Variants in PRKCH observed in about 807,000 individuals in gnomAD.
PRKCH encodes protein kinase C eta.
In PRKCH, 28 loss-of-function variants were observed where a neutral mutation model predicts 82.5. That is an observed-to-expected ratio of 0.34 (90% CI 0.25 to 0.47). PRKCH has a LOEUF of 0.47. PRKCH is among the 20% of genes least tolerant of loss of function. The pLI, the probability that PRKCH is intolerant of heterozygous loss-of-function variation, is 1.00. For synonymous variants in PRKCH, 322 were observed against 327.4 expected (o/e 0.98, Z 0.18); for missense variants, 705 against 881.8 (o/e 0.80, Z 2.54).
Position 61,449,178 on chromosome 14 carries a change from G to A in PRKCH, c.628G>A (p.Val210Ile), listed in dbSNP as rs368647767. 3.5e-5 allele frequency: 56 copies of A among 1,613,732 alleles called. No individual in the cohort carries two copies. Among genetic ancestry groups the A allele is most frequent in the African/African-American group, 8.0e-5 (6 of 74,876 alleles). Residue 210 changes from valine (V) to isoleucine (I), a missense_variant, in exon 5 of 14, where the codon GTC becomes ATC. Around this residue, in one of 5 missense-constraint regions of PRKCH, gnomAD observed 246 missense variants for 308.0 expected, o/e 0.80. Coordinates refer to ENST00000332981, the MANE Select transcript of PRKCH (RefSeq NM_006255.5). ...TAATTTCCTAGTGTGCACCTGTGTC[G>A]TCCATAAACGCTGCCATCATCTAAT... ...GYQCQVCTCV[V>I]HKRCHHLIVT...
rs1262603170 is a variant in PRKCH, at chr14:61,265,237, T to G, written c.-19+77569T>G. Among the ~76,000 whole-genome samples the G allele has an allele frequency of 3.3e-5, 5 of 152,076 alleles. No homozygotes were observed. In the East Asian group the frequency reaches 9.7e-4, roughly 29 times the overall value. On this transcript the variant is annotated intron_variant, in intron 1 of 3. Transcript: ENST00000555185. ...GGCTCATGTCTGTAATCCCAGCACT[T>G]TGGGAAGCCAAGGTGGGTGGATTGC...
intron 10 of PRKCH, among the ~76,000 whole-genome samples, chr14:61,512,319 C>T (rs1319326831): frequency 2.0e-5 from 3 of 149,476 alleles, no homozygotes; most frequent in African/African-American, 7.5e-5. Context: ...TTTCCACAGC[C>T]TCAGAGAGAA....
intron 1 of PRKCH, among the ~76,000 whole-genome samples, chr14:61,343,482 A>G (rs1024107682): frequency 2.6e-5 from 4 of 152,128 alleles, no homozygotes; most frequent in Non-Finnish European, 4.4e-5. Context: ...AGGGTCTTCA[A>G]CTTCATTGGT....
Position 61,280,641 on chromosome 14 carries a change from G to A in PRKCH, c.-19+92973G>A. The A allele has an allele frequency of 6.4e-7, 1 of 1,573,196 alleles. No individual in the cohort carries two copies. The highest frequency in any genetic ancestry group is 1.1e-5 in the South Asian group (1 of 87,006). On this transcript the variant is annotated intron_variant, in intron 1 of 3. Coordinates refer to the PRKCH transcript ENST00000555185. The surrounding 1 kb of genome is among the most constrained non-coding windows in gnomAD (Gnocchi z 5.0). Reference sequence around the variant, plus strand: ...GCCAAAGCGAGAAGGAGTCGTTGAAGAGGCTGTTGGCGATGGCGCCGCAGG... The same window carrying A: ...GCCAAAGCGAGAAGGAGTCGTTGAAAAGGCTGTTGGCGATGGCGCCGCAGG...
At chr14:61,497,807 T>C (rs1886735657) in intron 10 of PRKCH, among the ~76,000 whole-genome samples, 3 of 152,114 alleles carry the variant, frequency 2.0e-5, no homozygotes, top group African/African-American at 7.3e-5. Flanking sequence ...ATGGCAGTTA[T>C]GATCAGAAGA....
chr14:61,373,728 G>T (rs1347287427), intron 1 of PRKCH, among the ~76,000 whole-genome samples: 1 of 152,120 alleles, frequency 6.6e-6, no homozygotes, highest in Non-Finnish European at 1.5e-5. Context: ...AGCCTCCTGA[G>T]TAGTTGGGAC....
At chr14:61,429,908 C>T (rs933133186) in intron 2 of PRKCH, among the ~76,000 whole-genome samples, 2 of 152,114 alleles carry the variant, frequency 1.3e-5, no homozygotes, top group African/African-American at 4.8e-5. Context: ...AGGTTTTAGT[C>T]TCTCTACCCC....
Position 61,322,131 on chromosome 14 carries a change from C to G in PRKCH, c.30C>G (p.Gly10=), listed in dbSNP as rs1217091931. 9 of 1,596,484 alleles carry G rather than the reference C, an allele frequency of 5.6e-6. No individual in the cohort carries two copies. Among genetic ancestry groups the G allele is most frequent in the African/African-American group, 1.3e-5 (1 of 74,644 alleles). MSSGTMKFN[G]YLRVRIGEAV... ...CGTCTGGCACCATGAAGTTCAATGG[C>G]TATTTGAGGGTCCGCATCGGTGAGG... The change falls in exon 1 of 14, where the codon GGC becomes GGG. Residue 10 remains glycine (G), a synonymous_variant. Transcript: ENST00000332981.
chr14:61,188,884 T>C (rs1039481887), intron 1 of PRKCH, among the ~76,000 whole-genome samples: 19 of 152,032 alleles, frequency 1.2e-4, no homozygotes, highest in Admixed American at 6.6e-4. Flanking sequence ...CACGCCCGGC[T>C]AATTTTTGTA....
At chr14:61,354,729 G>A (rs943488312) in intron 1 of PRKCH, among the ~76,000 whole-genome samples, 9 of 152,100 alleles carry the variant, frequency 5.9e-5, no homozygotes, top group African/African-American at 2.2e-4. Flanking sequence ...AGGCCTTTAT[G>A]TATTCCCCAG....
chr14:61,507,887 T>C (rs921583126), intron 10 of PRKCH, among the ~76,000 whole-genome samples: 1 of 152,098 alleles, frequency 6.6e-6, no homozygotes, highest in Non-Finnish European at 1.5e-5. Flanking sequence ...AATGCTGTAC[T>C]GTATACTTAA....
rs181400929 is a variant in PRKCH at position 61,211,507 on chromosome 14, T to A, written c.-19+23839T>A. On this transcript the variant is annotated intron_variant, in intron 1 of 3. Coordinates refer to the PRKCH transcript ENST00000555185. ...AGTGCCAAGAAAGTTCTGTTAATTGTTATAATTCTACACAACATCTAGTAG... is the reference window on the plus strand; with the variant it reads ...AGTGCCAAGAAAGTTCTGTTAATTGATATAATTCTACACAACATCTAGTAG... Among the ~76,000 whole-genome samples, 3 of 152,310 alleles carry A rather than the reference T, an allele frequency of 2.0e-5. No homozygotes were observed. The East Asian group carries it at 5.8e-4, about 29-fold the overall frequency.
rs138788544 is a variant in PRKCH at position 61,261,668 on chromosome 14, CT to C, written c.-19+74010del. Among the ~76,000 whole-genome samples, 72 of 149,954 alleles carry C rather than the reference CT, an allele frequency of 4.8e-4. No homozygotes were observed. In the East Asian group the frequency reaches 0.01, roughly 21 times the overall value. On this transcript the variant is annotated intron_variant, in intron 1 of 3. Coordinates refer to the PRKCH transcript ENST00000555185. ...CATCTGTTGCCATTTACATCCATAT[CT>C]TTTTTTTTTAATTTATTTTTCTTGG... is the stretch of plus-strand genomic sequence containing the variant.
intron 1 of PRKCH, among the ~76,000 whole-genome samples, chr14:61,195,079 A>G (rs1167552831): frequency 6.6e-6 from 1 of 152,198 alleles, no homozygotes; most frequent in Non-Finnish European, 1.5e-5. Flanking sequence ...TTTTACCTGC[A>G]TATTTACTTT....
At chr14:61,543,176 C>T (rs1333316692) in intron 12 of PRKCH, among the ~76,000 whole-genome samples, 1 of 152,216 alleles carries the variant, frequency 6.6e-6, no homozygotes, top group Non-Finnish European at 1.5e-5. Context: ...CCAGGACATT[C>T]CTATACAAAC....
chr14:61,375,578 A>G (rs2046418649), intron 1 of PRKCH, among the ~76,000 whole-genome samples: 1 of 151,980 alleles, frequency 6.6e-6, no homozygotes, highest in South Asian at 2.1e-4. Flanking sequence ...GGGGGAAGCA[A>G]GCACGTCTTA....
intron 9 of PRKCH, among the ~76,000 whole-genome samples, chr14:61,472,377 C>T (rs553152169): frequency 3.3e-5 from 5 of 152,220 alleles, no homozygotes; most frequent in Non-Finnish European, 7.3e-5. Flanking sequence ...TCCTCCCAAA[C>T]CTGAACTTTG....
intron 7 of PRKCH, 86 bp downstream of exon 7, chr14:61,453,439 A>G (rs1460042299): frequency 1.4e-6 from 2 of 1,441,558 alleles, no homozygotes; most frequent in East Asian, 2.4e-5. Context: ...GGCCTCATCA[A>G]AGTTCCTAAT....
rs374498179 is a variant in PRKCH, at chr14:61,395,744, C to G, written c.427+4456C>G. On this transcript the variant is annotated intron_variant, in intron 2 of 13. Transcript: ENST00000332981. ...CCCAGTCATTTCCCCTACCCCTGCC[C>G]TGGGACCATCTTGTATACTCAGCAG... 5.1e-4 allele frequency among the ~76,000 whole-genome samples: 77 copies of G among 152,284 alleles called. No homozygotes were observed. The South Asian group carries it at 0.015, about 30-fold the overall frequency.
Sources: allele counts gnomAD v4.1 joint callset (sites outside exome capture counted in the v4.1 genomes callset), GRCh38; gene constraint gnomAD v4.1.1; regional missense constraint gnomAD v4.1.1; non-coding constraint Gnocchi (gnomAD v3.1); transcripts MANE v1.5; gene names NCBI Gene and HGNC (gene_info 2026-07-23, HGNC 2026-07-21).